NUP210: variants seen among roughly 807,000 people sequenced by gnomAD.
NUP210 encodes the protein nucleoporin 210, also known as nuclear pore membrane glycoprotein 210.
Under a neutral mutation model 196.0 loss-of-function variants are expected in NUP210, and 151 were observed. The ratio of observed to expected loss-of-function variants is 0.77; its 90% confidence interval spans 0.67 to 0.88. The LOEUF (loss-of-function observed/expected upper bound fraction) is 0.88, where lower values mean the gene tolerates loss of function less well. NUP210 is among the 40% of genes least tolerant of loss of function. NUP210 has a pLI of 0.00. For missense variants in NUP210, 2,314 were observed against 2,493.7 expected (o/e 0.93, Z 1.53); for synonymous variants, 1,070 against 1,052.7 (o/e 1.02, Z -0.32).
chr3:13,394,102 G>A (rs574142924), intron 3 of NUP210, among the ~76,000 whole-genome samples: 1 of 152,296 alleles, frequency 6.6e-6, no homozygotes, highest in Non-Finnish European at 1.5e-5. Context: ...TCGAAGGGAA[G>A]AACAAGTCCC....
At chr3:13,404,578 T>C (rs1176804835) in intron 1 of NUP210, among the ~76,000 whole-genome samples, 2 of 152,218 alleles carry the variant, frequency 1.3e-5, no homozygotes, top group Non-Finnish European at 2.9e-5. Flanking sequence ...TACAGATCGG[T>C]AAACTGAGGC....
intron 39 of NUP210, 107 bp from the exon 40 acceptor site, chr3:13,317,888 A>G: frequency 1.3e-6 from 1 of 767,958 alleles, no homozygotes; most frequent in Non-Finnish European, 2.1e-6. Flanking sequence ...GGACACTCTC[A>G]CAGTGATGCC....
In NUP210 at chr3:13,353,922, C is replaced by T. The variant is rs1172151551; in HGVS notation, c.2514G>A (p.Lys838=). 1 of 1,607,702 alleles carries T rather than the reference C, an allele frequency of 6.2e-7. No homozygotes were observed. Among genetic ancestry groups the T allele is most frequent in the East Asian group, 2.2e-5 (1 of 44,820 alleles). ...VSQDDESGQK[K]LHGLQAILVH... is the part of the protein sequence containing the mutation. ...GGCTTGTGCCCAGCTCACCGTGCAG[C>T]TTCTTTTGGCCACTCTCATCGTCCT... The change falls in exon 17 of 40, where the codon AAG becomes AAA. Residue 838 remains lysine (K), a synonymous_variant. Coordinates refer to ENST00000254508, the MANE Select transcript of NUP210 (RefSeq NM_024923.4).
At chr3:13,404,099 T>C (rs779110656) in intron 1 of NUP210, among the ~76,000 whole-genome samples, 1 of 152,354 alleles carries the variant, frequency 6.6e-6, no homozygotes, top group East Asian at 1.9e-4. Flanking sequence ...CTTTCAGTTA[T>C]CTGACTTCCT....
chr3:13,399,897 C>T (rs775088863), intron 1 of NUP210, 36 bp from the exon 2 acceptor site: 1 of 1,576,062 alleles, frequency 6.3e-7, no homozygotes, highest in South Asian at 1.2e-5. Context: ...CTCTCTGGAG[C>T]TGCACTGCAA....
intron 4 of NUP210, among the ~76,000 whole-genome samples, chr3:13,389,152 T>C (rs1217773449): frequency 6.6e-6 from 1 of 152,218 alleles, no homozygotes; most frequent in African/African-American, 2.4e-5. Flanking sequence ...TGTGATTTAT[T>C]TCCTCGCCTG....
rs192364629 is a variant in NUP210 at position 13,390,859 on chromosome 3, G to A, written c.533+352C>T. On this transcript the variant is annotated intron_variant, in intron 4 of 39. Coordinates refer to ENST00000254508, the MANE Select transcript of NUP210 (RefSeq NM_024923.4). ...GGCACAGCTGGCCTGTGCCCCAGCCGAAACCTGGCTGCCCTTTAACTGGCC... is the reference window on the plus strand; with the variant it reads ...GGCACAGCTGGCCTGTGCCCCAGCCAAAACCTGGCTGCCCTTTAACTGGCC... Among the ~76,000 whole-genome samples, 369 of 152,304 alleles carry A rather than the reference G, an allele frequency of 2.4e-3. 2 individuals are homozygous for A. The highest frequency in any genetic ancestry group is 0.014 in the Middle Eastern group (4 of 294).
At chr3:13,414,891 C>T (rs1189047722) in intron 1 of NUP210, among the ~76,000 whole-genome samples, 1 of 152,218 alleles carries the variant, frequency 6.6e-6, no homozygotes, top group African/African-American at 2.4e-5. Context: ...AGGGCATCTC[C>T]TGCTGCTTCA....
In NUP210 at chr3:13,356,286, G is replaced by A. The variant is rs370801709; in HGVS notation, c.2328+1936C>T. On this transcript the variant is annotated intron_variant, in intron 16 of 39. Transcript: ENST00000254508. ...ACATCTTGGGTAGCCTCTGAAGTTG[G>A]AGAGTATAAAATTACCTTGATCCTG... Among the ~76,000 whole-genome samples, 18 of 152,346 alleles carry A rather than the reference G, an allele frequency of 1.2e-4. 1 individual carries two copies. In the South Asian group the frequency reaches 2.5e-3, roughly 21 times the overall value.
chr3:13,378,892 C>A lies in NUP210; in HGVS notation c.1045+20G>T. The A allele has an allele frequency of 1.3e-6, 2 of 1,587,688 alleles. No individual in the cohort carries two copies. The highest frequency in any genetic ancestry group is 1.7e-6 in the Non-Finnish European group (2 of 1,155,972). On this transcript the variant is annotated intron_variant, in intron 8 of 39. Transcript: ENST00000254508. ...CACAACTGAGCAGCATCCATGAGGGCCCAGGAGGCCCACACTCACCTAGGT... is the reference window on the plus strand; with the variant it reads ...CACAACTGAGCAGCATCCATGAGGGACCAGGAGGCCCACACTCACCTAGGT...
intron 4 of NUP210, among the ~76,000 whole-genome samples, 183 bp downstream of exon 4, chr3:13,391,028 C>A (rs543968513): frequency 1.3e-5 from 2 of 152,334 alleles, no homozygotes; most frequent in South Asian, 4.1e-4. Context: ...CAGCCAGGCT[C>A]CCGCACAATG....
chr3:13,364,214 G>T (rs1244797349), intron 14 of NUP210, among the ~76,000 whole-genome samples: 1 of 152,128 alleles, frequency 6.6e-6, no homozygotes, highest in Non-Finnish European at 1.5e-5. Flanking sequence ...TCACTTCATG[G>T]GGACAAAGGT....
intron 13 of NUP210, among the ~76,000 whole-genome samples, chr3:13,368,646 A>G (rs1698622222): frequency 6.6e-6 from 1 of 152,040 alleles, no homozygotes; most frequent in South Asian, 2.1e-4. Flanking sequence ...GAATTTTATT[A>G]CTCTAGGTAT....
rs1559300552 is a variant in NUP210, at chr3:13,317,634, T to C, written c.*47A>G. 7.5e-7 allele frequency: 1 copy of C among 1,340,688 alleles called. No individual in the cohort carries two copies. Among genetic ancestry groups the C allele is most frequent in the Non-Finnish European group, 1.0e-6 (1 of 953,866 alleles). The allele number at this position is 1,340,688 out of a possible 1,614,324, so 83.0% of individuals were successfully genotyped here. On this transcript the variant is annotated 3_prime_UTR_variant, in exon 40 of 40. Transcript: ENST00000254508. ...CAGCAGGGATGTTCCATCTTGGGGG[T>C]GCACGAGGCTCGGCTGAGACCCATC... is the stretch of plus-strand genomic sequence containing the variant.
In NUP210 at chr3:13,343,094, C is replaced by A. The variant is rs1044767309; in HGVS notation, c.2964+81G>T. 1.4e-5 allele frequency: 22 copies of A among 1,540,692 alleles called. No homozygotes were observed. The South Asian group carries it at 2.4e-4, about 17-fold the overall frequency. On this transcript the variant is annotated intron_variant, in intron 21 of 39. Transcript: ENST00000254508. ...CACAGGAGCAAAAGCAAAGGCCATG[C>A]GGAACATTCCTCCCACAGTCCCCTC... is the stretch of plus-strand genomic sequence containing the variant.
rs552004583 is a variant in NUP210 at position 13,397,331 on chromosome 3, G to A, written c.436+26C>T. ...GGATGATCTAGCATGGGCTGCAGAAGACAAACAGGCAGGGGACGTTCTCAC... is the reference window on the plus strand; with the variant it reads ...GGATGATCTAGCATGGGCTGCAGAAAACAAACAGGCAGGGGACGTTCTCAC... On this transcript the variant is annotated intron_variant, in intron 3 of 39. Coordinates refer to ENST00000254508, the MANE Select transcript of NUP210 (RefSeq NM_024923.4). The A allele has an allele frequency of 2.9e-5, 46 of 1,604,642 alleles. No homozygotes were observed. In the African/African-American group the frequency reaches 4.4e-4, roughly 15 times the overall value.
chr3:13,327,139 C>A (rs1393785909), intron 32 of NUP210, 78 bp downstream of exon 32: 12 of 1,175,620 alleles, frequency 1.0e-5, no homozygotes, highest in South Asian at 1.5e-5. Flanking sequence ...TGGTGCCGAG[C>A]CCCTGCCCAG....
intron 22 of NUP210, 35 bp from the exon 23 acceptor site, chr3:13,341,918 A>T: frequency 6.2e-7 from 1 of 1,613,638 alleles, no homozygotes; most frequent in Non-Finnish European, 8.5e-7. Flanking sequence ...CTTCTCCAAG[A>T]CCACCCCGTG....
At chr3:13,385,650 A>G (rs1699247153) in intron 6 of NUP210, among the ~76,000 whole-genome samples, 1 of 152,276 alleles carries the variant, frequency 6.6e-6, no homozygotes, top group Non-Finnish European at 1.5e-5. Context: ...CAAAGCCCAC[A>G]GCTCTGGACT....
Sources: allele counts gnomAD v4.1 joint callset (sites outside exome capture counted in the v4.1 genomes callset), GRCh38; gene constraint gnomAD v4.1.1; transcripts MANE v1.5; gene names NCBI Gene and HGNC (gene_info 2026-07-23, HGNC 2026-07-21).